The following POLD1 variants were observed in gnomAD, a reference collection of about 807,000 sequenced individuals.
The protein encoded by POLD1 is DNA polymerase delta 1, catalytic subunit.
Under a neutral mutation model 129.7 loss-of-function variants are expected in POLD1, and 79 were observed. That is an observed-to-expected ratio of 0.61 (90% CI 0.51 to 0.73). The LOEUF (loss-of-function observed/expected upper bound fraction) is 0.73, where lower values mean the gene tolerates loss of function less well. Ranked by LOEUF, POLD1 falls within the 30% of genes least tolerant of loss-of-function variation. The pLI, the probability that POLD1 is intolerant of heterozygous loss-of-function variation, is 0.00. For synonymous variants in POLD1, 714 were observed against 683.3 expected (o/e 1.04, Z -0.70); for missense variants, 1,338 against 1,595.8 (o/e 0.84, Z 2.75).
Position 50,403,526 on chromosome 19 carries a change from G to A in POLD1, c.1171G>A (p.Asp391Asn), listed in dbSNP as rs1555790565. The change falls in exon 10 of 27, where the codon GAC becomes AAC. Residue 391 changes from aspartate (D) to asparagine (N), a missense_variant. Physicochemically the swap from Asp to Asn is conservative, Grantham distance 23 (BLOSUM62 1). Around this residue, in one of 3 missense-constraint regions of POLD1, gnomAD observed 720 missense variants for 1,002.6 expected, o/e 0.72. Coordinates refer to ENST00000440232, the MANE Select transcript of POLD1 (RefSeq NM_002691.4). ...CACCTTCATCCGTATCATGGACCCCGACGTGATCACCGGTTACAACATCCA... is the reference window on the plus strand; with the variant it reads ...CACCTTCATCCGTATCATGGACCCCAACGTGATCACCGGTTACAACATCCA... ...WSTFIRIMDP[D>N]VITGYNIQNF... is the part of the protein sequence containing the mutation. 6.2e-7 allele frequency: 1 copy of A among 1,614,016 alleles called. No individual in the cohort carries two copies. The highest frequency in any genetic ancestry group is 8.5e-7 in the Non-Finnish European group (1 of 1,179,894).
intron 24 of POLD1, 52 bp from the exon 25 acceptor site, chr19:50,416,993 G>A (rs2039322891): frequency 6.6e-7 from 1 of 1,519,240 alleles, no homozygotes; most frequent in African/African-American, 1.4e-5. Context: ...GGGATGGGGT[G>A]GCCCAGTTCC....
intron 10 of POLD1, among the ~76,000 whole-genome samples, chr19:50,403,892 C>G (rs2038765806): frequency 6.6e-6 from 1 of 152,146 alleles, no homozygotes; most frequent in South Asian, 2.1e-4. Flanking sequence ...GCCACTGAAT[C>G]CCAGTCTTCC....
intron 1 of POLD1, among the ~76,000 whole-genome samples, chr19:50,394,309 T>C (rs933028265): frequency 6.6e-6 from 1 of 152,192 alleles, no homozygotes; most frequent in African/African-American, 2.4e-5. Context: ...CTGGGCAGCC[T>C]GTGGCCACTC....
At position 50,402,750 on chromosome 19, in the gene POLD1, C is replaced by T. The variant is rs768037062; in HGVS notation, c.970+9C>T. 7 of 1,577,680 alleles carry T rather than the reference C, an allele frequency of 4.4e-6. No individual in the cohort carries two copies. Among genetic ancestry groups the T allele is most frequent in the Non-Finnish European group, 6.0e-6 (7 of 1,157,154 alleles). On this transcript the variant is annotated intron_variant, in intron 8 of 26. Coordinates refer to ENST00000440232, the MANE Select transcript of POLD1 (RefSeq NM_002691.4). ...GTGCGCCGGCCGCAAAGGTCTGTCC[C>T]CGGGCCCGGGCTCCTGCCCGCCTCA... is the stretch of plus-strand genomic sequence containing the variant.
Position 50,409,384 on chromosome 19 carries a change from C to T in POLD1, c.2007-135C>T. ...ACAAGGCATCCCCTCCTGGCAGCTT[C>T]CTTTTGCCCCCTTGGCCAGAAGCTT... On this transcript the variant is annotated intron_variant, in intron 16 of 26. Transcript: ENST00000440232. The surrounding 1 kb of genome is among the most constrained non-coding windows in gnomAD (Gnocchi z 5.8). The T allele has an allele frequency of 7.4e-7, 1 of 1,354,758 alleles. No homozygotes were observed. The highest frequency in any genetic ancestry group is 1.0e-6 in the Non-Finnish European group (1 of 968,168). 83.9% of individuals were successfully genotyped at this position (1,354,758 alleles called of 1,614,324 possible). A position where few individuals can be genotyped will look rare whatever the true frequency, so the allele number is the denominator to read the frequency against.
chr19:50,393,711 G>A (rs753464007), intron 1 of POLD1, among the ~76,000 whole-genome samples: 5 of 152,122 alleles, frequency 3.3e-5, no homozygotes, highest in African/African-American at 4.8e-5. Context: ...CAGTTGGTAC[G>A]TTCACAGTGT....
At chr19:50,417,580 C>T (rs1269205494) in intron 26 of POLD1, among the ~76,000 whole-genome samples, 9 of 151,880 alleles carry the variant, frequency 5.9e-5, no homozygotes, top group African/African-American at 1.2e-4. Flanking sequence ...CCCCAGGGAA[C>T]GGGTAGGCGG....
rs2038867617 is a variant in POLD1, at chr19:50,406,135, G to A, written c.1243-47G>A. On this transcript the variant is annotated intron_variant, in intron 10 of 26. Transcript: ENST00000440232. This position sits in a 1 kb window ranked among gnomAD's most constrained non-coding sequence, Gnocchi z 5.5. ...CTCAATCTCCGTTCTTCAGGCTTAT[G>A]TGACGGGGACCCGCAGCCTGCTGCA... 1 of 1,592,274 alleles carries A rather than the reference G, an allele frequency of 6.3e-7. No individual in the cohort carries two copies. Among genetic ancestry groups the A allele is most frequent in the Non-Finnish European group, 8.6e-7 (1 of 1,165,534 alleles).
rs1051120508 is a variant in POLD1, at chr19:50,409,993, G to A, written c.2154+327G>A. 2.6e-5 allele frequency among the ~76,000 whole-genome samples: 4 copies of A among 152,198 alleles called. No homozygotes were observed. The highest frequency in any genetic ancestry group is 4.4e-5 in the Non-Finnish European group (3 of 68,028). ...TAAACGTGTTTAGGACACAAGTGGCGCTACGAGCTTTGCAGCCGGATAAAG... is the reference window on the plus strand; with the variant it reads ...TAAACGTGTTTAGGACACAAGTGGCACTACGAGCTTTGCAGCCGGATAAAG... On this transcript the variant is annotated intron_variant, in intron 17 of 26. Transcript: ENST00000440232. The surrounding 1 kb of genome is among the most constrained non-coding windows in gnomAD (Gnocchi z 5.8).
intron 10 of POLD1, among the ~76,000 whole-genome samples, chr19:50,405,771 G>T (rs949324968): frequency 6.6e-6 from 1 of 152,050 alleles, no homozygotes. Context: ...ACCCTGCAAG[G>T]CCTCCTGCAG....
intron 17 of POLD1, among the ~76,000 whole-genome samples, chr19:50,412,251 C>T (rs1444834170): frequency 1.3e-5 from 2 of 152,142 alleles, no homozygotes; most frequent in Admixed American, 6.5e-5. Context: ...CTCCCGGGTT[C>T]AAGTGATTCT....
At chr19:50,416,375 G>T in intron 22 of POLD1, 21 bp from the exon 23 acceptor site, 1 of 1,547,524 alleles carries the variant, frequency 6.5e-7, no homozygotes. Context: ...CTGCCCGGGT[G>T]TGACTGCCAT....
At chr19:50,416,864 C>G in intron 24 of POLD1, 141 bp downstream of exon 24, 1 of 941,314 alleles carries the variant, frequency 1.1e-6, no homozygotes, top group Non-Finnish European at 1.5e-6. Flanking sequence ...TGTCTCCACC[C>G]CCCACAGAGG....
intron 26 of POLD1, among the ~76,000 whole-genome samples, chr19:50,417,637 C>T (rs1474329871): frequency 6.6e-6 from 1 of 151,772 alleles, no homozygotes; most frequent in African/African-American, 2.4e-5. Context: ...CCAGCCATGG[C>T]CCTGCACCTC....
chr19:50,397,046 G>A (rs145475251), intron 1 of POLD1, among the ~76,000 whole-genome samples: 4,474 of 140,440 alleles, frequency 0.032, 224 homozygotes, highest in African/African-American at 0.11. Context: ...AGCCAAGATC[G>A]CACCACTGCA....
chr19:50,385,557 C>CT (rs1159129552), intron 1 of POLD1, among the ~76,000 whole-genome samples: 3 of 134,598 alleles, frequency 2.2e-5, no homozygotes, highest in Non-Finnish European at 3.1e-5. Context: ...GAGACAGAGT[C>CT]TTGCTCTGTC....
At chr19:50,415,377 G>A (rs1236886752) in intron 20 of POLD1, 61 bp from the exon 21 acceptor site, 12 of 1,534,576 alleles carry the variant, frequency 7.8e-6, no homozygotes, top group Non-Finnish European at 8.0e-6. Context: ...TGAGACCCGT[G>A]GAGGCACCAG....
intron 3 of POLD1, among the ~76,000 whole-genome samples, chr19:50,400,211 A>AT (rs549820323): frequency 0.053 from 3,556 of 67,618 alleles, 343 homozygotes; most frequent in African/African-American, 0.13. Flanking sequence ...CTGGCCAATA[A>AT]TTTTTTTTTT....
chr19:50,416,253 C>T (rs1428822237), intron 22 of POLD1, 143 bp from the exon 23 acceptor site: 20 of 798,848 alleles, frequency 2.5e-5, no homozygotes, highest in Middle Eastern at 7.4e-4. Flanking sequence ...CCGTGACCTC[C>T]GACCCCATCC....
Sources: gnomAD v4.1 joint callset for allele counts (sites outside exome capture counted in the v4.1 genomes callset) on GRCh38, gnomAD v4.1.1 for gene constraint, gnomAD v4.1.1 regional missense constraint, Gnocchi (gnomAD v3.1) non-coding constraint, MANE v1.5 for transcripts, NCBI Gene and HGNC (gene_info 2026-07-23, HGNC 2026-07-21) for gene names.